VAV2: variants seen among roughly 807,000 people sequenced by gnomAD.
The protein encoded by VAV2 is vav guanine nucleotide exchange factor 2.
A neutral mutation model predicts 132.5 loss-of-function variants in VAV2; 67 were observed. The ratio of observed to expected loss-of-function variants is 0.51; its 90% CI spans 0.42 to 0.62. The LOEUF (loss-of-function observed/expected upper bound fraction) is 0.62, where lower values mean the gene tolerates loss of function less well. Ranked by LOEUF, VAV2 falls within the 20% of genes least tolerant of loss-of-function variation. The pLI is 0.00. For missense variants in VAV2, 938 were observed against 1,153.6 expected (o/e 0.81, Z 2.71); for synonymous variants, 492 against 443.5 (o/e 1.11, Z -1.37).
chr9:133,794,469 G>C lies in VAV2; in HGVS notation c.1101+1199C>G, dbSNP rs575455510. On this transcript the variant is annotated intron_variant, in intron 12 of 29. Coordinates refer to ENST00000371850, the MANE Select transcript of VAV2 (RefSeq NM_001134398.2). This position sits in a 1 kb window ranked among gnomAD's most constrained non-coding sequence, Gnocchi z 4.6. ...CCTGCTCAGAGAACCTCTTAGCACC[G>C]GCGGCCAAGCACTGGCCCCACTCCC... Among the ~76,000 whole-genome samples, 121 of 152,276 alleles carry C rather than the reference G, an allele frequency of 7.9e-4. 2 individuals carry two copies. The highest frequency in any genetic ancestry group is 6.8e-3 in the Middle Eastern group (2 of 294).
chr9:133,874,098 C>A (rs747556930), intron 2 of VAV2, among the ~76,000 whole-genome samples: 58 of 152,336 alleles, frequency 3.8e-4, no homozygotes, highest in Non-Finnish European at 7.3e-4. Flanking sequence ...GGCAGCAGAG[C>A]CCGGCTCTCC....
chr9:133,788,529 T>C lies in VAV2; in HGVS notation c.1275-43A>G, dbSNP rs1834326120. 1 of 1,581,670 alleles carries C rather than the reference T, an allele frequency of 6.3e-7. No individual in the cohort carries two copies. The highest frequency in any genetic ancestry group is 8.7e-7 in the Non-Finnish European group (1 of 1,154,872). On this transcript the variant is annotated intron_variant, in intron 14 of 29. Transcript: ENST00000371850. The surrounding 1 kb of genome is among the most constrained non-coding windows in gnomAD (Gnocchi z 5.3). The stretch of plus-strand genomic sequence containing the variant: ...GCGGGGGATCAGCACCCCAGCACTG[T>C]GTGCTCTGCTCCGAGGAGGCGGCAG...
intron 9 of VAV2, among the ~76,000 whole-genome samples, chr9:133,803,506 C>T (rs1011384154): frequency 6.6e-5 from 10 of 152,310 alleles, no homozygotes; most frequent in African/African-American, 2.4e-4. Context: ...TGTCTTATGT[C>T]CACAGCTGCA....
rs1843013345 is a variant in VAV2, at chr9:133,991,431, GC to G, written c.204+643del. Among the ~76,000 whole-genome samples, 1 of 150,742 alleles carries G rather than the reference GC, an allele frequency of 6.6e-6. No individual in the cohort carries two copies. The highest frequency in any genetic ancestry group is 1.5e-5 in the Non-Finnish European group (1 of 67,432). On this transcript the variant is annotated intron_variant, in intron 1 of 29. Coordinates refer to ENST00000371850, the MANE Select transcript of VAV2 (RefSeq NM_001134398.2). The surrounding 1 kb of genome is among the most constrained non-coding windows in gnomAD (Gnocchi z 4.8). ...TGGGGGTGTTGGGAAAGCGATGGGG[GC>G]CAGGACTGGGGCCAAGTGGCCCTGG... is the stretch of plus-strand genomic sequence containing the variant.
At chr9:133,987,493 G>A (rs72764881) in intron 1 of VAV2, among the ~76,000 whole-genome samples, 2 of 151,416 alleles carry the variant, frequency 1.3e-5, no homozygotes, top group East Asian at 1.9e-4. Flanking sequence ...AGGCCCGGAG[G>A]GGGGGATGCC....
chr9:133,881,071 T>C (rs1341969305), intron 2 of VAV2, among the ~76,000 whole-genome samples: 1 of 152,184 alleles, frequency 6.6e-6, no homozygotes, highest in African/African-American at 2.4e-5. Context: ...CTGGGGGCCA[T>C]GGCCCACCCA....
At chr9:133,850,471 C>A (rs1588266892) in intron 3 of VAV2, among the ~76,000 whole-genome samples, 1 of 152,116 alleles carries the variant, frequency 6.6e-6, no homozygotes, top group Non-Finnish European at 1.5e-5. Flanking sequence ...GAATGAGGAA[C>A]GAATGAGGGA....
chr9:133,880,850 G>T (rs750723257), intron 2 of VAV2, among the ~76,000 whole-genome samples: 1 of 152,268 alleles, frequency 6.6e-6, no homozygotes, highest in Admixed American at 6.5e-5. Flanking sequence ...GGCAGGTCAG[G>T]TGGGCAGCAG....
rs1206878327 is a variant in VAV2 at position 133,834,236 on chromosome 9, C to T, written c.449+36G>A. ...CCACCAGGAACCTCCCTGCCCCTCCCTCCTCTCCATCCCTCCTCCCATCCC... is the reference window on the plus strand; with the variant it reads ...CCACCAGGAACCTCCCTGCCCCTCCTTCCTCTCCATCCCTCCTCCCATCCC... On this transcript the variant is annotated intron_variant, in intron 4 of 29. Transcript: ENST00000371850. The surrounding 1 kb of genome is among the most constrained non-coding windows in gnomAD (Gnocchi z 5.9). 6.3e-7 allele frequency: 1 copy of T among 1,587,978 alleles called. No individual in the cohort carries two copies. The highest frequency in any genetic ancestry group is 8.6e-7 in the Non-Finnish European group (1 of 1,165,640).
chr9:133,886,917 C>A (rs1463643172), intron 2 of VAV2, among the ~76,000 whole-genome samples: 1 of 152,234 alleles, frequency 6.6e-6, no homozygotes, highest in East Asian at 1.9e-4. Context: ...CCAAGATGCA[C>A]AGGAGGCCCA....
intron 2 of VAV2, among the ~76,000 whole-genome samples, chr9:133,896,392 T>C (rs1046396207): frequency 1.1e-4 from 17 of 152,060 alleles, no homozygotes; most frequent in African/African-American, 3.9e-4. Context: ...AGGCAGAGGT[T>C]GCAATGAGCC....
intron 25 of VAV2, among the ~76,000 whole-genome samples, chr9:133,772,303 C>A (rs1008347798): frequency 1.3e-5 from 2 of 152,234 alleles, no homozygotes; most frequent in Non-Finnish European, 2.9e-5. Flanking sequence ...CTCTCCTGGC[C>A]TCTAGCCCTG....
intron 2 of VAV2, among the ~76,000 whole-genome samples, chr9:133,865,239 C>T (rs895920024): frequency 2.6e-5 from 4 of 152,206 alleles, no homozygotes; most frequent in African/African-American, 4.8e-5. Context: ...AAAAAGGAAA[C>T]GTAGACTGCG....
intron 2 of VAV2, among the ~76,000 whole-genome samples, chr9:133,915,823 C>G (rs1393782847): frequency 3.6e-5 from 1 of 27,876 alleles, no homozygotes; most frequent in Non-Finnish European, 2.8e-4. Context: ...TGCACTCACA[C>G]ACGCACACGT....
chr9:133,801,753 C>T (rs1475343454), intron 9 of VAV2, among the ~76,000 whole-genome samples: 1 of 152,156 alleles, frequency 6.6e-6, no homozygotes, highest in African/African-American at 2.4e-5. Flanking sequence ...ATGAGAGTGG[C>T]CTCAGAAAAG....
intron 22 of VAV2, 25 bp downstream of exon 22, chr9:133,778,737 G>C (rs140419798): frequency 1.9e-6 from 3 of 1,609,882 alleles, no homozygotes; most frequent in Admixed American, 1.7e-5. Flanking sequence ...GGGGACCCTC[G>C]ACCCTCCCGG....
chr9:133,778,983 G>A (rs1231438332), intron 21 of VAV2, 94 bp from the exon 22 acceptor site: 3 of 1,526,564 alleles, frequency 2.0e-6, no homozygotes, highest in Non-Finnish European at 2.7e-6. Flanking sequence ...ACCAAGCTCG[G>A]CCTCCCCCAG....
At chr9:133,953,629 G>A (rs922570210) in intron 1 of VAV2, among the ~76,000 whole-genome samples, 6 of 152,136 alleles carry the variant, frequency 3.9e-5, no homozygotes, top group African/African-American at 1.2e-4. Context: ...TGGAACCTCA[G>A]ACCCAGTTCC....
At chr9:133,956,518 TAA>T (rs1225416926) in intron 1 of VAV2, among the ~76,000 whole-genome samples, 1 of 152,222 alleles carries the variant, frequency 6.6e-6, no homozygotes, top group East Asian at 1.9e-4. Context: ...TAGAATTTCT[TAA>T]AAAGTTATCT....
Sources: allele counts gnomAD v4.1 joint callset (sites outside exome capture counted in the v4.1 genomes callset), GRCh38; gene constraint gnomAD v4.1.1; non-coding constraint Gnocchi (gnomAD v3.1); transcripts MANE v1.5; gene names NCBI Gene and HGNC (gene_info 2026-07-23, HGNC 2026-07-21).